Variants in KIRREL3 observed in about 807,000 individuals in gnomAD.
KIRREL3 encodes the protein kin of IRRE-like protein 3.
A neutral mutation model predicts 89.7 loss-of-function variants in KIRREL3; 36 were observed. The ratio of observed to expected loss-of-function variants is 0.40; its 90% CI spans 0.31 to 0.53. The LOEUF (loss-of-function observed/expected upper bound fraction) is 0.53. KIRREL3 is among the 20% of genes least tolerant of loss of function. The probability of loss-of-function intolerance (pLI) is 0.49; values close to 1 mark genes in which losing one functional copy is unlikely to be tolerated. For missense variants in KIRREL3, 864 were observed against 1,056.6 expected (o/e 0.82, Z 2.53); for synonymous variants, 445 against 441.4 (o/e 1.01, Z -0.10).
At chr11:126,982,753 C>T (rs1565476418) in intron 1 of KIRREL3, among the ~76,000 whole-genome samples, 3 of 152,184 alleles carry the variant, frequency 2.0e-5, no homozygotes, top group African/African-American at 4.8e-5. Flanking sequence ...AGCCTCCTAC[C>T]CTGCAGCAAA....
At chr11:126,625,277 T>C (rs1038444181) in intron 1 of KIRREL3, among the ~76,000 whole-genome samples, 5 of 152,172 alleles carry the variant, frequency 3.3e-5, no homozygotes, top group African/African-American at 1.2e-4. Context: ...GTCTCAGGAC[T>C]GCTTCCCCTG....
chr11:126,508,050 G>T lies in KIRREL3; in HGVS notation c.433+13265C>A, dbSNP rs577887122. Among the ~76,000 whole-genome samples the T allele has an allele frequency of 6.6e-6, 1 of 152,334 alleles. No homozygotes were observed. The highest frequency in any genetic ancestry group is 2.1e-4 in the South Asian group (1 of 4,830). ...GTAGGGCAGAGATAGTCCTTCCTGG[G>T]GGGTGGCTGTGTGGCCATCAGCCTT... is the stretch of plus-strand genomic sequence containing the variant. On this transcript the variant is annotated intron_variant, in intron 4 of 16. Transcript: ENST00000525144. The surrounding 1 kb of genome is among the most constrained non-coding windows in gnomAD (Gnocchi z 4.9).
At position 126,449,088 on chromosome 11, in the gene KIRREL3, C is replaced by A; in HGVS notation, c.918G>T (p.Thr306=). 6.2e-7 allele frequency: 1 copy of A among 1,613,986 alleles called. No individual in the cohort carries two copies. Among genetic ancestry groups the A allele is most frequent in the East Asian group, 2.2e-5 (1 of 44,884 alleles). ...GEVYRTTVDY[T]YFSEPVSCEV... is the part of the protein sequence containing the mutation. The stretch of plus-strand genomic sequence containing the variant: ...CACAGGAGACGGGCTCTGAGAAGTA[C>A]GTGTAGTCCACTGTGGTCCTGTACA... Residue 306 remains threonine, a synonymous_variant, in exon 8 of 17, where the codon ACG becomes ACT. Coordinates refer to ENST00000525144, the MANE Select transcript of KIRREL3 (RefSeq NM_032531.4).
At chr11:126,894,293 A>C (rs891223482) in intron 1 of KIRREL3, among the ~76,000 whole-genome samples, 2 of 152,128 alleles carry the variant, frequency 1.3e-5, no homozygotes, top group Non-Finnish European at 2.9e-5. Flanking sequence ...TAGTCCAGGC[A>C]TTGTGTTAGG....
rs908685526 is a variant in KIRREL3, at chr11:126,830,955, G to A, written c.55+169500C>T. Among the ~76,000 whole-genome samples the A allele has an allele frequency of 6.6e-6, 1 of 152,096 alleles. No homozygotes were observed. The highest frequency in any genetic ancestry group is 1.5e-5 in the Non-Finnish European group (1 of 68,022). The stretch of plus-strand genomic sequence containing the variant: ...ATTGATGTGAATAATACCACCCTGG[G>A]CATTACTATCACCCAGATTTCACAG... On this transcript the variant is annotated intron_variant, in intron 1 of 16. Transcript: ENST00000525144. This position sits in a 1 kb window ranked among gnomAD's most constrained non-coding sequence, Gnocchi z 4.9.
rs1955168987 is a variant in KIRREL3, at chr11:126,432,381, A to G, written c.1589-855T>C. Among the ~76,000 whole-genome samples the G allele has an allele frequency of 6.6e-6, 1 of 152,036 alleles. No individual in the cohort carries two copies. Among genetic ancestry groups the G allele is most frequent in the Non-Finnish European group, 1.5e-5 (1 of 68,000 alleles). ...TCTTCCACACAGCCTTGGCCCTTCT[A>G]CAGCTGCAAGTGGGGTCGGAGCACA... On this transcript the variant is annotated intron_variant, in intron 13 of 16. Transcript: ENST00000525144. This position sits in a 1 kb window ranked among gnomAD's most constrained non-coding sequence, Gnocchi z 6.2.
At chr11:126,457,191 G>GTGTGTGTGTGTGTGTGTGTGTGTGTA (rs1299669099) in intron 6 of KIRREL3, among the ~76,000 whole-genome samples, 7 of 150,070 alleles carry the variant, frequency 4.7e-5, no homozygotes, top group Non-Finnish European at 7.4e-5. Context: ...GATTATGTGT[G>GTGTGTGTGTGTGTGTGTGTGTGTGTA]TGTGTGTGTG....
chr11:126,691,337 G>A (rs1447439137), intron 1 of KIRREL3, among the ~76,000 whole-genome samples: 1 of 152,152 alleles, frequency 6.6e-6, no homozygotes, highest in South Asian at 2.1e-4. Flanking sequence ...GTATGAGAAC[G>A]GTCATTTCAG....
At chr11:126,720,641 A>G (rs1164888437) in intron 1 of KIRREL3, among the ~76,000 whole-genome samples, 4 of 152,242 alleles carry the variant, frequency 2.6e-5, no homozygotes, top group African/African-American at 9.6e-5. Context: ...CCAAACACAG[A>G]CACTCTTGAG....
rs77845691 is a variant in KIRREL3 at position 126,642,227 on chromosome 11, C to T, written c.56-79315G>A. Among the ~76,000 whole-genome samples the T allele has an allele frequency of 5.2e-3, 796 of 152,334 alleles. 4 individuals carry two copies. Among genetic ancestry groups the T allele is most frequent in the Non-Finnish European group, 8.9e-3 (603 of 68,022 alleles). On this transcript the variant is annotated intron_variant, in intron 1 of 16. Transcript: ENST00000525144. This position sits in a 1 kb window ranked among gnomAD's most constrained non-coding sequence, Gnocchi z 4.9. ...TGCCTTCTAGTCCAAACTTCAAAAT[C>T]CTTCCTGCACTGGTCTCATTGGGGT...
In KIRREL3 at chr11:126,584,976, T is replaced by G. The variant is rs1941749644; in HGVS notation, c.56-22064A>C. Reference sequence around the variant, plus strand: ...CTCTGTCGCCCAGGCTGGAGTGCAGTGGCGCAATCTCGGCTCACTGCAAGC... The same window carrying G: ...CTCTGTCGCCCAGGCTGGAGTGCAGGGGCGCAATCTCGGCTCACTGCAAGC... On this transcript the variant is annotated intron_variant, in intron 1 of 16. Coordinates refer to ENST00000525144, the MANE Select transcript of KIRREL3 (RefSeq NM_032531.4). Among the ~76,000 whole-genome samples, 4 of 152,020 alleles carry G rather than the reference T, an allele frequency of 2.6e-5. No homozygotes were observed. The South Asian group carries it at 8.3e-4, about 32-fold the overall frequency.
At chr11:126,692,265 C>G (rs1477981252) in intron 1 of KIRREL3, among the ~76,000 whole-genome samples, 1 of 152,088 alleles carries the variant, frequency 6.6e-6, no homozygotes, top group Non-Finnish European at 1.5e-5. Flanking sequence ...TGGAAATAGG[C>G]TGGGCACGGT....
intron 4 of KIRREL3, among the ~76,000 whole-genome samples, chr11:126,487,313 G>A (rs1183689395): frequency 6.6e-6 from 1 of 152,278 alleles, no homozygotes; most frequent in Non-Finnish European, 1.5e-5. Flanking sequence ...GACACAGGGC[G>A]GGGCGTGGGG....
rs1957354610 is a variant in KIRREL3 at position 126,486,212 on chromosome 11, C to T, written c.434-12746G>A. 1.3e-5 allele frequency among the ~76,000 whole-genome samples: 2 copies of T among 152,094 alleles called. No homozygotes were observed. The highest frequency in any genetic ancestry group is 2.9e-5 in the Non-Finnish European group (2 of 68,030). ...GTGTGCCTGTGCCGGCTCCAGATGA[C>T]AGAGGGTGCTACGTGGCCGCCGTCT... On this transcript the variant is annotated intron_variant, in intron 4 of 16. Transcript: ENST00000525144. This position sits in a 1 kb window ranked among gnomAD's most constrained non-coding sequence, Gnocchi z 6.2.
At position 126,923,252 on chromosome 11, in the gene KIRREL3, CT is replaced by C. The variant is rs1289706120; in HGVS notation, c.55+77202del. Among the ~76,000 whole-genome samples, 34 of 98,534 alleles carry C rather than the reference CT, an allele frequency of 3.5e-4. 6 individuals are homozygous for C. The highest frequency in any genetic ancestry group is 5.4e-4 in the Admixed American group (5 of 9,216). The allele number at this position is 98,534 out of a possible 152,430, so 64.6% of individuals were successfully genotyped here. ...TCTTCTTCTTCTTCTTCTTCTTCTTCTTCTTCTTCTTCTTCTCCTTCTCCTT... is the reference window on the plus strand; with the variant it reads ...TCTTCTTCTTCTTCTTCTTCTTCTTCTCTTCTTCTTCTTCTCCTTCTCCTT... On this transcript the variant is annotated intron_variant, in intron 1 of 16. Coordinates refer to ENST00000525144, the MANE Select transcript of KIRREL3 (RefSeq NM_032531.4).
At chr11:126,437,853 A>C (rs563033492) in intron 11 of KIRREL3, among the ~76,000 whole-genome samples, 5 of 152,256 alleles carry the variant, frequency 3.3e-5, no homozygotes, top group African/African-American at 9.6e-5. Context: ...CATACACACC[A>C]TCATGTGTAC....
At chr11:126,889,085 A>C (rs2134756586) in intron 1 of KIRREL3, among the ~76,000 whole-genome samples, 1 of 152,324 alleles carries the variant, frequency 6.6e-6, no homozygotes, top group South Asian at 2.1e-4. Flanking sequence ...ACGTCGTTAA[A>C]GTAGTATACA....
intron 1 of KIRREL3, among the ~76,000 whole-genome samples, chr11:126,770,435 A>G (rs572307292): frequency 2.0e-5 from 3 of 152,238 alleles, no homozygotes; most frequent in Non-Finnish European, 4.4e-5. Context: ...GAGCTCAGAC[A>G]GGATGTATGG....
chr11:126,700,243 G>A (rs1177803160), intron 1 of KIRREL3, among the ~76,000 whole-genome samples: 1 of 151,190 alleles, frequency 6.6e-6, no homozygotes, highest in Non-Finnish European at 1.5e-5. Context: ...GAAGTGACTT[G>A]TGACTTCAGA....
Sources: gnomAD v4.1 joint callset for allele counts (sites outside exome capture counted in the v4.1 genomes callset) on GRCh38, gnomAD v4.1.1 for gene constraint, Gnocchi (gnomAD v3.1) non-coding constraint, MANE v1.5 for transcripts, NCBI Gene and HGNC (gene_info 2026-07-23, HGNC 2026-07-21) for gene names.